Variants in RRP12 observed in about 807,000 individuals in gnomAD.
RRP12 encodes the protein ribosomal RNA processing 12 homolog.
In RRP12, 78 loss-of-function variants were observed where a neutral mutation model predicts 157.3. The ratio of observed to expected loss-of-function variants is 0.50; its 90% CI spans 0.41 to 0.60. The LOEUF is 0.60. Among genes scored for constraint, RRP12 ranks in the 20% least tolerant of loss-of-function variants. RRP12 has a pLI of 0.00. For synonymous variants in RRP12, 726 were observed against 670.9 expected (o/e 1.08, Z -1.27); for missense variants, 1,521 against 1,679.9 (o/e 0.91, Z 1.65).
chr10:97,367,342 C>A, intron 25 of RRP12: 1 of 593,414 alleles, frequency 1.7e-6, no homozygotes, highest in Non-Finnish European at 3.0e-6. Flanking sequence ...AGGACACAGG[C>A]CTGAGCACCC....
At position 97,373,906 on chromosome 10, in the gene RRP12, C is replaced by T. The variant is rs2133054188; in HGVS notation, c.1799-12G>A. ...AGCCAGGTCCATGGCTGCAGTGTGA[C>T]AGAGGGACAGAGTGTGAGCCCAGCA... On this transcript the variant is annotated splice_polypyrimidine_tract_variant and intron_variant, in intron 15 of 33. Coordinates refer to ENST00000370992, the MANE Select transcript of RRP12 (RefSeq NM_015179.4). 1 of 1,611,506 alleles carries T rather than the reference C, an allele frequency of 6.2e-7. No individual in the cohort carries two copies. Among genetic ancestry groups the T allele is most frequent in the African/African-American group, 1.3e-5 (1 of 74,982 alleles).
Position 97,369,453 on chromosome 10 carries a change from G to A in RRP12, c.2927C>T (p.Ala976Val), listed in dbSNP as rs746850145. ...CAGCTGCACATGTTTGGCCAGGTGC[G>A]CCACGTCCATGACAGTCACTGCCAC... ...IKVAVTVMDV[A>V]HLAKHVQLVM... The change falls in exon 25 of 34, where the codon GCG (alanine) becomes GTG (valine). Residue 976 changes from alanine (A) to valine (V), a missense_variant. Physicochemically the swap from Ala to Val is moderately conservative, Grantham distance 64 (BLOSUM62 0). Transcript: ENST00000370992. The A allele has an allele frequency of 6.2e-5, 100 of 1,612,134 alleles. No individual in the cohort carries two copies. Among genetic ancestry groups the A allele is most frequent in the South Asian group, 5.5e-5 (5 of 90,570 alleles).
Position 97,369,460 on chromosome 10 carries a change from C to A in RRP12, c.2920G>T (p.Asp974Tyr), listed in dbSNP as rs763359579. The A allele has an allele frequency of 5.9e-5, 95 of 1,612,428 alleles. No individual in the cohort carries two copies. The highest frequency in any genetic ancestry group is 7.6e-5 in the Non-Finnish European group (90 of 1,179,406). The change falls in exon 25 of 34, where the codon GAC becomes TAC. Residue 974 changes from aspartate to tyrosine, a missense_variant. Physicochemically the swap from Asp to Tyr is radical, Grantham distance 160. Transcript: ENST00000370992. ...GFIKVAVTVM[D>Y]VAHLAKHVQL... ...ACATGTTTGGCCAGGTGCGCCACGT[C>A]CATGACAGTCACTGCCACCTTGATG...
At chr10:97,387,064 G>A (rs1342863346) in intron 8 of RRP12, among the ~76,000 whole-genome samples, 1 of 151,858 alleles carries the variant, frequency 6.6e-6, no homozygotes, top group Non-Finnish European at 1.5e-5. Context: ...GACCCCCCAT[G>A]GACATAAAAA....
chr10:97,395,264 AAGT>A (rs1215425354), intron 3 of RRP12, among the ~76,000 whole-genome samples: 3 of 152,058 alleles, frequency 2.0e-5, no homozygotes, highest in Non-Finnish European at 4.4e-5. Flanking sequence ...TTAATGTAAT[AAGT>A]AGGCCAGCCA....
In RRP12 at chr10:97,371,099, G is replaced by C. The variant is rs1844140394; in HGVS notation, c.2344-18C>G. On this transcript the variant is annotated intron_variant, in intron 20 of 33. Transcript: ENST00000370992. ...GCCTTGCTCTGGCAGACAGGAACCG[G>C]TGAGGGAGGCCTGGGGCTCACTCCC... 9.3e-6 allele frequency: 15 copies of C among 1,611,608 alleles called. No homozygotes were observed. Among genetic ancestry groups the C allele is most frequent in the African/African-American group, 1.3e-5 (1 of 74,900 alleles).
rs781466398 is a variant in RRP12, at chr10:97,381,789, A to G, written c.1246T>C (p.Phe416Leu). The change falls in exon 11 of 34, where the codon TTT (phenylalanine) becomes CTT (leucine). Residue 416 changes from phenylalanine to leucine, a missense_variant. Physicochemically the swap from Phe to Leu is conservative, Grantham distance 22. Coordinates refer to ENST00000370992, the MANE Select transcript of RRP12 (RefSeq NM_015179.4). ...WDLGLGHLPRFFGTAVTCLLS... is the reference protein window; with the variant it reads ...WDLGLGHLPRLFGTAVTCLLS... ...AGGCAGGTCACCGCAGTTCCAAAAA[A>G]GCGAGGGAGGTGGCCTAGCCCCAGG... is the stretch of plus-strand genomic sequence containing the variant. 1 of 1,614,146 alleles carries G rather than the reference A, an allele frequency of 6.2e-7. No individual in the cohort carries two copies. The highest frequency in any genetic ancestry group is 1.1e-5 in the South Asian group (1 of 91,080).
At position 97,379,318 on chromosome 10, in the gene RRP12, G is replaced by T; in HGVS notation, c.1773C>A (p.Pro591=). The T allele has an allele frequency of 6.2e-7, 1 of 1,614,104 alleles. No homozygotes were observed. Among genetic ancestry groups the T allele is most frequent in the South Asian group, 1.1e-5 (1 of 91,062 alleles). ...CTTTGCTCTTCAGGGTGTTAGCCAGGGGCAAGAAGTAGGTGGTGAAAAAAC... is the reference window on the plus strand; with the variant it reads ...CTTTGCTCTTCAGGGTGTTAGCCAGTGGCAAGAAGTAGGTGGTGAAAAAAC... ...RLGFFTTYFL[P]LANTLKSKAM... is the part of the protein sequence containing the mutation. Residue 591 remains proline, a synonymous_variant, in exon 15 of 34, where the codon CCC becomes CCA. Coordinates refer to ENST00000370992, the MANE Select transcript of RRP12 (RefSeq NM_015179.4).
chr10:97,362,463 AAC>A (rs1453969418), intron 30 of RRP12, among the ~76,000 whole-genome samples: 1 of 152,196 alleles, frequency 6.6e-6, no homozygotes, highest in African/African-American at 2.4e-5. Context: ...TGTACACAGA[AAC>A]AAAGACTTGA....
rs779847630 is a variant in RRP12 at position 97,366,495 on chromosome 10, C to T, written c.3342G>A (p.Gly1114=). 1.9e-6 allele frequency: 3 copies of T among 1,613,812 alleles called. No individual in the cohort carries two copies. The African/African-American group carries it at 4.0e-5, about 22-fold the overall frequency. ...GATCCAGGAAGTTGAGGGGCTCGTC[C>T]CCACCGCCCTCTTTCAGCCATGCCC... The part of the protein sequence containing the change: ...RSRAWLKEGG[G]DEPLNFLDPK... The change falls in exon 28 of 34, where the codon GGG becomes GGA. Residue 1114 remains glycine (G), a synonymous_variant. Coordinates refer to ENST00000370992, the MANE Select transcript of RRP12 (RefSeq NM_015179.4).
In RRP12 at chr10:97,358,947, G is replaced by C. The variant is rs1843777112; in HGVS notation, c.3704C>G (p.Ala1235Gly). The C allele has an allele frequency of 6.2e-7, 1 of 1,613,096 alleles. No individual in the cohort carries two copies. The highest frequency in any genetic ancestry group is 1.1e-5 in the South Asian group (1 of 91,066). The change falls in exon 32 of 34, where the codon GCC becomes GGC. Residue 1235 changes from alanine (A) to glycine (G), a missense_variant. By Grantham distance (60) the Ala-to-Gly change is moderately conservative (BLOSUM62 0). Transcript: ENST00000370992. ...TGCCCTACATGCAGCACTTACCTTGGCCTTGTATTCAGCCCCAGGCATAGC... is the reference window on the plus strand; with the variant it reads ...TGCCCTACATGCAGCACTTACCTTGCCCTTGTATTCAGCCCCAGGCATAGC... ...KKAMPGAEYK[A>G]KKAKGDVKKK...
In RRP12 at chr10:97,372,686, C is replaced by G. The variant is rs192217297; in HGVS notation, c.2249+50G>C. 1,542 of 1,463,958 alleles carry G rather than the reference C, an allele frequency of 1.1e-3. 1 individual carries two copies. The highest frequency in any genetic ancestry group is 9.2e-3 in the Middle Eastern group (53 of 5,768). The allele number at this position is 1,463,958 out of a possible 1,614,324, so 90.7% of individuals were successfully genotyped here. ...ACAGTGCTTCTGCCAGATGCACCCT[C>G]CAGCTCCCTGGGCTGCTCCAGCTCA... On this transcript the variant is annotated intron_variant, in intron 19 of 33. Transcript: ENST00000370992.
In RRP12 at chr10:97,373,853, T is replaced by G; in HGVS notation, c.1840A>C (p.Ile614Leu). ...ACCTGCCACTGGAGTGTGTCGTAGA[T>G]CTTAGATTCCACTGTGCTGCCTGCC... is the stretch of plus-strand genomic sequence containing the variant. The part of the protein sequence containing the change: ...AQAGSTVESK[I>L]YDTLQWQMWT... The change falls in exon 16 of 34, where the codon ATC becomes CTC. Residue 614 changes from isoleucine (I) to leucine (L), a missense_variant. Ile to Leu is a conservative substitution (Grantham distance 5). Transcript: ENST00000370992. The G allele has an allele frequency of 1.2e-6, 2 of 1,613,808 alleles. No individual in the cohort carries two copies. Among genetic ancestry groups the G allele is most frequent in the Non-Finnish European group, 1.7e-6 (2 of 1,179,922 alleles).
intron 1 of RRP12, 34 bp downstream of exon 1, chr10:97,401,059 G>C (rs1019653259): frequency 6.2e-7 from 1 of 1,606,578 alleles, no homozygotes; most frequent in African/African-American, 1.3e-5. Context: ...CTGGAACCCC[G>C]CCCCCGGCTG....
At chr10:97,367,238 G>A (rs943656026) in intron 25 of RRP12, 106 bp from the exon 26 acceptor site, 4 of 952,358 alleles carry the variant, frequency 4.2e-6, no homozygotes, top group African/African-American at 1.6e-5. Flanking sequence ...CAGCTGAGGG[G>A]AGGGTTAGCG....
At chr10:97,360,155 A>C (rs1397507312) in intron 31 of RRP12, among the ~76,000 whole-genome samples, 2 of 152,234 alleles carry the variant, frequency 1.3e-5, no homozygotes, top group Admixed American at 1.3e-4. Context: ...CCCAGTTCCC[A>C]GCCCTGGCAC....
intron 30 of RRP12, among the ~76,000 whole-genome samples, chr10:97,363,406 G>A (rs527461575): frequency 1.3e-5 from 2 of 152,302 alleles, no homozygotes; most frequent in East Asian, 3.9e-4. Flanking sequence ...CAAATTCCTG[G>A]TTTGCACAGA....
chr10:97,381,826 C>T lies in RRP12; in HGVS notation c.1209G>A (p.Arg403=), dbSNP rs971558801. 1 of 1,612,848 alleles carries T rather than the reference C, an allele frequency of 6.2e-7. No homozygotes were observed. Among genetic ancestry groups the T allele is most frequent in the African/African-American group, 1.3e-5 (1 of 74,912 alleles). The change falls in exon 11 of 34, where the codon AGG becomes AGA. Residue 403 remains arginine (R), a splice_region_variant and synonymous_variant. Transcript: ENST00000370992. ...GGCCTAGCCCCAGGTCCCACTGCAA[C>T]CTGTCAAGACAAAAGGTTTCTGTGG... is the stretch of plus-strand genomic sequence containing the variant. The part of the protein sequence containing the change: ...VMEKAHINLV[R]LQWDLGLGHL...
At chr10:97,360,942 C>G (rs141762737) in intron 30 of RRP12, among the ~76,000 whole-genome samples, 35 of 152,336 alleles carry the variant, frequency 2.3e-4, no homozygotes, top group African/African-American at 6.7e-4. Context: ...GCTTACCCAG[C>G]CTTCCTAATG....
Sources: allele counts gnomAD v4.1 joint callset (sites outside exome capture counted in the v4.1 genomes callset), GRCh38; gene constraint gnomAD v4.1.1; transcripts MANE v1.5; gene names NCBI Gene and HGNC (gene_info 2026-07-23, HGNC 2026-07-21).